SLC39A10: variants seen among roughly 807,000 people sequenced by gnomAD.
The protein encoded by SLC39A10 is solute carrier family 39 member 10, also known as zinc transporter ZIP10.
A neutral mutation model predicts 65.1 loss-of-function variants in SLC39A10; 13 were observed. The ratio of observed to expected loss-of-function variants is 0.20; its 90% CI spans 0.13 to 0.32. The LOEUF (loss-of-function observed/expected upper bound fraction) is 0.32, where lower values mean the gene tolerates loss of function less well. Ranked by LOEUF, SLC39A10 falls within the 10% of genes least tolerant of loss-of-function variation. SLC39A10 has a pLI of 1.00. For synonymous variants in SLC39A10, 321 were observed against 342.2 expected (o/e 0.94, Z 0.68); for missense variants, 831 against 1,018.4 (o/e 0.82, Z 2.50).
At chr2:195,623,542 C>T (rs1457447579) in intron 2 of SLC39A10, among the ~76,000 whole-genome samples, 2 of 152,114 alleles carry the variant, frequency 1.3e-5, no homozygotes, top group African/African-American at 4.8e-5. Context: ...ATAACTGGTA[C>T]TCCACAGTTA....
At chr2:195,672,004 C>T (rs1689879652) in intron 1 of SLC39A10, among the ~76,000 whole-genome samples, 1 of 151,864 alleles carries the variant, frequency 6.6e-6, no homozygotes, top group Admixed American at 6.6e-5. Flanking sequence ...GAGTAGTCAT[C>T]TTCAACTGTT....
intron 2 of SLC39A10, among the ~76,000 whole-genome samples, chr2:195,644,357 T>G (rs75969232): frequency 6.6e-6 from 1 of 150,594 alleles, no homozygotes; most frequent in Non-Finnish European, 1.5e-5. Flanking sequence ...TTTTTTTTTT[T>G]TTGAGACGGA....
At chr2:195,639,700 C>T (rs1688766244) in intron 2 of SLC39A10, among the ~76,000 whole-genome samples, 1 of 152,114 alleles carries the variant, frequency 6.6e-6, no homozygotes, top group Non-Finnish European at 1.5e-5. Context: ...TCTCAACCTC[C>T]CGAGTAGCTG....
intron 8 of SLC39A10, among the ~76,000 whole-genome samples, chr2:195,721,896 G>C (rs1368767282): frequency 2.0e-5 from 3 of 152,134 alleles, no homozygotes; most frequent in Admixed American, 2.0e-4. Flanking sequence ...AACCTTGAAG[G>C]ATTCACTCAG....
At chr2:195,681,558 A>T (rs557374827) in intron 2 of SLC39A10, among the ~76,000 whole-genome samples, 12 of 152,158 alleles carry the variant, frequency 7.9e-5, no homozygotes, top group Non-Finnish European at 1.3e-4. Flanking sequence ...TTAAAATCTG[A>T]ATTTCACTTG....
chr2:195,642,904 T>TA lies in SLC39A10; in HGVS notation c.-12+36672dup, dbSNP rs147229815. On this transcript the variant is annotated intron_variant, in intron 2 of 2. Coordinates refer to the SLC39A10 transcript ENST00000458054. The stretch of plus-strand genomic sequence containing the variant: ...TTGAAGCAGCTAGGAAATGAGCCAC[T>TA]AGAGAGGTTAATGAAAAACCAAAAG... Among the ~76,000 whole-genome samples, 23 of 152,204 alleles carry TA rather than the reference T, an allele frequency of 1.5e-4. No homozygotes were observed. The East Asian group carries it at 4.0e-3, about 27-fold the overall frequency.
intron 1 of SLC39A10, among the ~76,000 whole-genome samples, chr2:195,674,869 A>G (rs199818402): frequency 2.2e-5 from 1 of 44,680 alleles, no homozygotes; most frequent in African/African-American, 4.9e-5. Context: ...AAATATTTGT[A>G]TGTTTAAACA....
chr2:195,631,548 A>G (rs890693359), intron 2 of SLC39A10, among the ~76,000 whole-genome samples: 1 of 152,178 alleles, frequency 6.6e-6, no homozygotes, highest in Non-Finnish European at 1.5e-5. Flanking sequence ...TCAATTTGTG[A>G]TCAAGAATAT....
At chr2:195,619,525 G>A (rs1330839379) in intron 2 of SLC39A10, among the ~76,000 whole-genome samples, 1 of 152,148 alleles carries the variant, frequency 6.6e-6, no homozygotes, top group Non-Finnish European at 1.5e-5. Flanking sequence ...CAGGGCTGAG[G>A]TGTGATGTGC....
chr2:195,713,742 T>C (rs189965135), intron 6 of SLC39A10, among the ~76,000 whole-genome samples, 189 bp downstream of exon 6: 144 of 152,292 alleles, frequency 9.5e-4, no homozygotes, highest in African/African-American at 3.2e-3. Context: ...ATTTATTTAC[T>C]GATAGATGCA....
chr2:195,683,967 T>C (rs1336463507), intron 3 of SLC39A10, 61 bp downstream of exon 3: 2 of 1,090,630 alleles, frequency 1.8e-6, no homozygotes, highest in Non-Finnish European at 2.6e-6. Flanking sequence ...TTTTAAACTA[T>C]AGTTGAATTA....
rs1691888582 is a variant in SLC39A10, at chr2:195,718,146, TAAG to T, written c.2066-103_2066-101del. 4 of 835,102 alleles carry T rather than the reference TAAG, an allele frequency of 4.8e-6. No homozygotes were observed. In the African/African-American group the frequency reaches 5.1e-5, roughly 11 times the overall value. The allele number at this position is 835,102 out of a possible 1,614,324, so 51.7% of individuals were successfully genotyped here. On this transcript the variant is annotated intron_variant, in intron 7 of 9. Transcript: ENST00000359634. ...TAAGATAAGTGAGTCACTCATATGT[TAAG>T]AAATTAATTTAGATAGGCAAAAGAA...
At chr2:195,691,345 T>C (rs1690733058) in intron 3 of SLC39A10, among the ~76,000 whole-genome samples, 1 of 152,148 alleles carries the variant, frequency 6.6e-6, no homozygotes, top group South Asian at 2.1e-4. Context: ...GTATTCTAGT[T>C]GTATAATGAC....
intron 1 of SLC39A10, among the ~76,000 whole-genome samples, chr2:195,659,367 T>A (rs963797956): frequency 6.6e-6 from 1 of 152,222 alleles, no homozygotes; most frequent in Non-Finnish European, 1.5e-5. Context: ...CCTTCCCTTT[T>A]TTTGAGCACC....
At chr2:195,664,847 A>G (rs1318947906) in intron 1 of SLC39A10, among the ~76,000 whole-genome samples, 1 of 152,228 alleles carries the variant, frequency 6.6e-6, no homozygotes, top group Non-Finnish European at 1.5e-5. Context: ...AATCAAAGAT[A>G]ATAGCACAAA....
intron 2 of SLC39A10, among the ~76,000 whole-genome samples, chr2:195,640,495 T>G (rs1688793643): frequency 1.4e-5 from 2 of 138,712 alleles, no homozygotes; most frequent in Non-Finnish European, 3.3e-5. Flanking sequence ...CATACACTAG[T>G]TTTTTTTTAA....
intron 3 of SLC39A10, among the ~76,000 whole-genome samples, chr2:195,703,020 C>A (rs1305269508): frequency 6.6e-6 from 1 of 152,158 alleles, no homozygotes; most frequent in Non-Finnish European, 1.5e-5. Flanking sequence ...ATATTGTATT[C>A]TTCTTTCAGA....
At chr2:195,703,706 T>A (rs1381208833) in intron 3 of SLC39A10, among the ~76,000 whole-genome samples, 1 of 152,132 alleles carries the variant, frequency 6.6e-6, no homozygotes, top group Non-Finnish European at 1.5e-5. Flanking sequence ...CAGGCTGGAG[T>A]GCAGTGGCAT....
chr2:195,656,490 A>G (rs973866268), upstream of SLC39A10, among the ~76,000 whole-genome samples: 5 of 152,142 alleles, frequency 3.3e-5, no homozygotes, highest in Non-Finnish European at 7.3e-5. Context: ...AAGACCTTGG[A>G]AAGTTGCCAA....
Sources: allele counts gnomAD v4.1 joint callset (sites outside exome capture counted in the v4.1 genomes callset), GRCh38; gene constraint gnomAD v4.1.1; transcripts MANE v1.5; gene names NCBI Gene and HGNC (gene_info 2026-07-23, HGNC 2026-07-21).